The following CLEC20A variants were observed in gnomAD, a reference collection of about 807,000 sequenced individuals.
The protein encoded by CLEC20A is C-type lectin domain containing 20A.
chr1:178,494,850 C>A, intron 1 of CLEC20A, 40 bp from the exon 2 acceptor site: 1 of 399,088 alleles, frequency 2.5e-6, no homozygotes, highest in South Asian at 1.3e-4. Context: ...CTGTCCCCAC[C>A]CCAGCCCCTA....
At chr1:178,495,432 C>A (rs1056266773) in intron 1 of CLEC20A, among the ~76,000 whole-genome samples, 2 of 152,216 alleles carry the variant, frequency 1.3e-5, no homozygotes, top group African/African-American at 4.8e-5. Context: ...CTGGAGTCAC[C>A]TAGGAAGCTT....
At chr1:178,482,096 A>C (rs186755625) in intron 7 of CLEC20A, 713 of 381,406 alleles carry the variant, frequency 1.9e-3, no homozygotes, top group African/African-American at 4.4e-3. Flanking sequence ...AAAACAACAA[A>C]AAAAAAAACT....
chr1:178,498,625 A>G (rs530318365), upstream of CLEC20A, among the ~76,000 whole-genome samples: 6 of 152,270 alleles, frequency 3.9e-5, no homozygotes, highest in East Asian at 1.2e-3. Flanking sequence ...ACAAAAATAA[A>G]GTGCAGGACT....
At chr1:178,480,514 G>A (rs1004029066) in intron 7 of CLEC20A, 1 of 152,606 alleles carries the variant, frequency 6.6e-6, no homozygotes, top group African/African-American at 2.4e-5. Context: ...AAACAACAGT[G>A]GCTCACGCCT....
chr1:178,495,337 T>C (rs777487953), intron 1 of CLEC20A, among the ~76,000 whole-genome samples: 1 of 152,208 alleles, frequency 6.6e-6, no homozygotes, highest in African/African-American at 2.4e-5. Context: ...CAGACTCAAG[T>C]ACCCTGGGCA....
upstream of CLEC20A, among the ~76,000 whole-genome samples, chr1:178,497,969 G>A (rs1171758407): frequency 2.0e-5 from 3 of 152,034 alleles, no homozygotes; most frequent in Non-Finnish European, 4.4e-5. Flanking sequence ...AGCGGGTGAG[G>A]AGGGAGAAGG....
chr1:178,481,783 T>C (rs1017486913), intron 7 of CLEC20A: 1 of 152,092 alleles, frequency 6.6e-6, no homozygotes. Flanking sequence ...AATCACACCA[T>C]TGCACTCCAG....
At chr1:178,494,404 G>T (rs1221895076) in intron 2 of CLEC20A, 50 bp downstream of exon 2, 1 of 399,822 alleles carries the variant, frequency 2.5e-6, no homozygotes, top group Admixed American at 4.4e-5. Flanking sequence ...GGGCAACAGA[G>T]TGAGGCCCCT....
chr1:178,493,210 G>T (rs905277569), intron 2 of CLEC20A, among the ~76,000 whole-genome samples: 2 of 152,084 alleles, frequency 1.3e-5, no homozygotes, highest in Non-Finnish European at 2.9e-5. Context: ...AACGCCATAC[G>T]CACACCCCTC....
At chr1:178,485,809 C>A (rs1649118641) in intron 5 of CLEC20A, among the ~76,000 whole-genome samples, 1 of 152,124 alleles carries the variant, frequency 6.6e-6, no homozygotes, top group Admixed American at 6.5e-5. Flanking sequence ...ACAGAACAGC[C>A]CCTGCCCTGT....
chr1:178,494,923 C>A (rs1483104533), intron 1 of CLEC20A, 113 bp from the exon 2 acceptor site: 2 of 397,812 alleles, frequency 5.0e-6, no homozygotes, highest in African/African-American at 2.1e-5. Flanking sequence ...GCCCACTCTG[C>A]ACTTCGCCGC....
At chr1:178,498,249 G>C (rs576170287), upstream of CLEC20A, among the ~76,000 whole-genome samples, 6 of 152,014 alleles carry the variant, frequency 3.9e-5, no homozygotes, top group Non-Finnish European at 8.8e-5. Flanking sequence ...TTCTGCTTCC[G>C]CACGGTCAGA....
chr1:178,485,829 C>T (rs897401800), intron 5 of CLEC20A, among the ~76,000 whole-genome samples: 1 of 152,178 alleles, frequency 6.6e-6, no homozygotes, highest in African/African-American at 2.4e-5. Flanking sequence ...TGAGATTCTG[C>T]AATCTCAATA....
At chr1:178,478,837 T>C (rs191828712), downstream of CLEC20A, 11 of 152,292 alleles carry the variant, frequency 7.2e-5, no homozygotes, top group Non-Finnish European at 1.5e-4. Context: ...ACAAATAAAC[T>C]TTAACTTTAA....
intron 5 of CLEC20A, chr1:178,486,549 T>G (rs1572156663): frequency 5.0e-6 from 2 of 398,550 alleles, no homozygotes; most frequent in Non-Finnish European, 4.4e-6. Context: ...CTAAGCCAAA[T>G]GAGTCCGAGA....
chr1:178,499,482 A>C (rs1173340161), upstream of CLEC20A: 1 of 146,798 alleles, frequency 6.8e-6, no homozygotes, highest in African/African-American at 2.8e-5. Context: ...CGGCCAGAAT[A>C]AAAGCAGGCA....
chr1:178,497,469 C>T (rs191813967), upstream of CLEC20A, among the ~76,000 whole-genome samples: 80 of 152,326 alleles, frequency 5.3e-4, no homozygotes, highest in African/African-American at 1.7e-3. Flanking sequence ...CTGCTCCACG[C>T]CCAGAAGGAA....
upstream of CLEC20A, chr1:178,496,985 G>A (rs895955332): frequency 2.8e-5 from 11 of 399,716 alleles, no homozygotes; most frequent in Non-Finnish European, 3.1e-5. Context: ...CTGGGCACGG[G>A]ACAAGACCCC....
At chr1:178,479,689 A>G (rs1334748763) in intron 7 of CLEC20A, 74 bp from the exon 8 acceptor site, 1 of 397,144 alleles carries the variant, frequency 2.5e-6, no homozygotes, top group Non-Finnish European at 4.4e-6. Flanking sequence ...TAAACTATCC[A>G]TCCGTATACC....
Sources: gnomAD v4.1 joint callset for allele counts (sites outside exome capture counted in the v4.1 genomes callset) on GRCh38, gnomAD v4.1.1 for gene constraint, MANE v1.5 for transcripts, NCBI Gene and HGNC (gene_info 2026-07-23, HGNC 2026-07-21) for gene names.